Variants in ASH1L observed in about 807,000 individuals in gnomAD.
The protein encoded by ASH1L is ASH1 like histone lysine methyltransferase, also known as histone-lysine N-methyltransferase ASH1L.
A neutral mutation model predicts 269.0 loss-of-function variants in ASH1L; 23 were observed. That is an observed-to-expected ratio of 0.09 (90% confidence interval 0.06 to 0.12). ASH1L has a LOEUF of 0.12. Ranked by LOEUF, ASH1L falls within the 10% of genes least tolerant of loss-of-function variation. The pLI is 1.00. For synonymous variants in ASH1L, 1,187 were observed against 1,253.5 expected (o/e 0.95, Z 1.12); for missense variants, 2,912 against 3,567.8 (o/e 0.82, Z 4.68).
At position 155,549,682 on chromosome 1, in the gene ASH1L, A is replaced by G. The variant is rs193295948; in HGVS notation, c.-100+12471T>C. ...AGATGATACACATAGGTTATATCCA[A>G]GTAGTATACCATTTTATATAAGGGA... On this transcript the variant is annotated intron_variant, in intron 1 of 27. Coordinates refer to ENST00000392403, the MANE Select transcript of ASH1L (RefSeq NM_018489.3). Among the ~76,000 whole-genome samples, 845 of 152,218 alleles carry G rather than the reference A, an allele frequency of 5.6e-3. 5 individuals carry two copies. Among genetic ancestry groups the G allele is most frequent in the Non-Finnish European group, 8.3e-3 (563 of 68,008 alleles).
In ASH1L at chr1:155,411,637, T is replaced by C. The variant is rs549003327; in HGVS notation, c.6008+4107A>G. ...TATATATGTTTTCATCCATGGTTCC[T>C]GGCTCTTAACTCCCATAGTCCCTGT... On this transcript the variant is annotated intron_variant, in intron 6 of 27. Coordinates refer to ENST00000392403, the MANE Select transcript of ASH1L (RefSeq NM_018489.3). Among the ~76,000 whole-genome samples, 16 of 101,440 alleles carry C rather than the reference T, an allele frequency of 1.6e-4. No individual in the cohort carries two copies. The East Asian group carries it at 5.4e-3, about 34-fold the overall frequency. The allele number at this position is 101,440 out of a possible 152,430, so 66.5% of individuals were successfully genotyped here.
At chr1:155,525,506 G>A (rs1049421432) in intron 1 of ASH1L, among the ~76,000 whole-genome samples, 4 of 149,436 alleles carry the variant, frequency 2.7e-5, no homozygotes, top group African/African-American at 7.4e-5. Context: ...AAACACCACT[G>A]TGCCAGTTCA....
chr1:155,552,571 G>A (rs552725230), intron 1 of ASH1L, among the ~76,000 whole-genome samples: 65 of 150,508 alleles, frequency 4.3e-4, no homozygotes, highest in African/African-American at 1.5e-3. Context: ...GCGTGAACCC[G>A]GGAGGCAGAG....
Position 155,343,803 on chromosome 1 carries a change from A to T in ASH1L, c.7982-61T>A. 6.3e-7 allele frequency: 1 copy of T among 1,576,398 alleles called. No homozygotes were observed. The highest frequency in any genetic ancestry group is 1.1e-5 in the South Asian group (1 of 87,500). On this transcript the variant is annotated intron_variant, in intron 22 of 27. Transcript: ENST00000392403. This position sits in a 1 kb window ranked among gnomAD's most constrained non-coding sequence, Gnocchi z 6.1. ...AATTCTTGTATGAATTCTGTTAGGC[A>T]TCTGTTTATCTGACTCAGGGTCTAC...
chr1:155,344,396 C>A (rs762286819), intron 21 of ASH1L, 123 bp from the exon 22 acceptor site: 4 of 700,080 alleles, frequency 5.7e-6, no homozygotes, highest in South Asian at 2.1e-5. Flanking sequence ...CACAGATATA[C>A]AAAAAAGATG....
At chr1:155,353,803 C>T (rs1221047824) in intron 16 of ASH1L, among the ~76,000 whole-genome samples, 1 of 152,146 alleles carries the variant, frequency 6.6e-6, no homozygotes, top group Non-Finnish European at 1.5e-5. Context: ...TGATAATGAC[C>T]TGTCCACCCA....
intron 2 of ASH1L, among the ~76,000 whole-genome samples, chr1:155,490,450 A>G (rs1486480780): frequency 3.3e-5 from 5 of 151,232 alleles, no homozygotes; most frequent in Non-Finnish European, 7.4e-5. Context: ...CATCTCTACT[A>G]AAAATACAAA....
chr1:155,431,799 G>A (rs1661629709), intron 5 of ASH1L, among the ~76,000 whole-genome samples: 1 of 152,024 alleles, frequency 6.6e-6, no homozygotes, highest in East Asian at 1.9e-4. Context: ...TTGTAGAAAC[G>A]GTAGCTACAA....
chr1:155,343,077 T>A lies in ASH1L; in HGVS notation c.8293+237A>T. ...CACAGGTTGGAGTGCAGTGGTGCGA[T>A]CTTGGCTCACTGCAACCTCTGCCTC... On this transcript the variant is annotated intron_variant, in intron 24 of 27. Coordinates refer to ENST00000392403, the MANE Select transcript of ASH1L (RefSeq NM_018489.3). The surrounding 1 kb of genome is among the most constrained non-coding windows in gnomAD (Gnocchi z 6.1). 2.3e-6 allele frequency: 1 copy of A among 437,044 alleles called. No homozygotes were observed. 27.1% of individuals were successfully genotyped at this position (437,044 alleles called of 1,614,324 possible). A position where few individuals can be genotyped will look rare whatever the true frequency, so the allele number is the denominator to read the frequency against.
chr1:155,400,916 T>G (rs1329474453), intron 6 of ASH1L, among the ~76,000 whole-genome samples: 1 of 151,458 alleles, frequency 6.6e-6, no homozygotes, highest in Non-Finnish European at 1.5e-5. Flanking sequence ...TCCCAGCACT[T>G]TGGGAGGCTG....
chr1:155,562,764 G>C lies in ASH1L; in HGVS notation c.-711C>G. 2.1e-6 allele frequency: 2 copies of C among 971,924 alleles called. No homozygotes were observed. Among genetic ancestry groups the C allele is most frequent in the African/African-American group, 1.6e-5 (1 of 61,966 alleles). 60.2% of individuals were successfully genotyped at this position (971,924 alleles called of 1,614,324 possible). ...GCCCTGTCAAGCCGGCGCCGGCGCA[G>C]GCCCTCACGCGTACCTTCAACGGCG... On this transcript the variant is annotated 5_prime_UTR_variant, in exon 1 of 28. Coordinates refer to ENST00000392403, the MANE Select transcript of ASH1L (RefSeq NM_018489.3).
chr1:155,347,604 T>C (rs1558017882), intron 20 of ASH1L, 52 bp downstream of exon 20: 3 of 1,603,892 alleles, frequency 1.9e-6, no homozygotes, highest in East Asian at 4.5e-5. Flanking sequence ...TCTTTGAATA[T>C]GGTCACCGTG....
chr1:155,461,032 A>C (rs536355017), intron 3 of ASH1L, among the ~76,000 whole-genome samples: 17 of 152,318 alleles, frequency 1.1e-4, no homozygotes, highest in African/African-American at 4.1e-4. Context: ...AAAAACTAGT[A>C]ATCTGAAATG....
intron 1 of ASH1L, among the ~76,000 whole-genome samples, chr1:155,555,048 CAGG>C (rs1671489960): frequency 6.8e-6 from 1 of 147,896 alleles, no homozygotes; most frequent in Admixed American, 6.9e-5. Context: ...GAGGCTCAAA[CAGG>C]AGAATCGCTT....
intron 2 of ASH1L, among the ~76,000 whole-genome samples, chr1:155,485,304 CTA>C (rs1558156788): frequency 1.3e-5 from 2 of 150,904 alleles, no homozygotes; most frequent in Non-Finnish European, 2.9e-5. Context: ...CTCTACCTCT[CTA>C]TTTTTTATTT....
Position 155,357,967 on chromosome 1 carries a change from C to T in ASH1L, c.6796-218G>A, listed in dbSNP as rs41264235. Among the ~76,000 whole-genome samples the T allele has an allele frequency of 1.3e-3, 194 of 152,034 alleles. 3 individuals carry two copies. Among genetic ancestry groups the T allele is most frequent in the South Asian group, 0.012 (56 of 4,822 alleles). On this transcript the variant is annotated intron_variant, in intron 13 of 27. Transcript: ENST00000392403. ...TGTATTTTGTGTAGAGACAGGGTTT[C>T]GCCATGTTGACCAGGCTGGTCTCGA...
chr1:155,437,525 C>T (rs1409561948), intron 5 of ASH1L, among the ~76,000 whole-genome samples: 2 of 152,072 alleles, frequency 1.3e-5, no homozygotes, highest in Admixed American at 6.5e-5. Flanking sequence ...ATGGTACAGC[C>T]CTTCTGGAAA....
chr1:155,347,818 G>A lies in ASH1L; in HGVS notation c.7641C>T (p.Ala2547=), dbSNP rs1362478522. 6.2e-7 allele frequency: 1 copy of A among 1,614,154 alleles called. No homozygotes were observed. Among genetic ancestry groups the A allele is most frequent in the East Asian group, 2.2e-5 (1 of 44,894 alleles). ...TCTCTCCCACAATCTCATCAATCTGGGCTGATGCCTCATGCCGGGCATTGT... is the reference window on the plus strand; with the variant it reads ...TCTCTCCCACAATCTCATCAATCTGAGCTGATGCCTCATGCCGGGCATTGT... The part of the protein sequence containing the change: ...AYYNARHEAS[A]QIDEIVGETA... Residue 2547 remains alanine, a synonymous_variant, in exon 20 of 28, where the codon GCC becomes GCT. Coordinates refer to ENST00000392403, the MANE Select transcript of ASH1L (RefSeq NM_018489.3).
At chr1:155,408,185 T>C (rs889789735) in intron 6 of ASH1L, among the ~76,000 whole-genome samples, 3 of 152,192 alleles carry the variant, frequency 2.0e-5, no homozygotes, top group African/African-American at 4.8e-5. Context: ...GGATGGTACC[T>C]TGATTCTGGC....
Sources: allele counts gnomAD v4.1 joint callset (sites outside exome capture counted in the v4.1 genomes callset), GRCh38; gene constraint gnomAD v4.1.1; non-coding constraint Gnocchi (gnomAD v3.1); transcripts MANE v1.5; gene names NCBI Gene and HGNC (gene_info 2026-07-23, HGNC 2026-07-21).